Variants in FHIT observed in about 807,000 individuals in gnomAD.
FHIT encodes bis(5'-adenosyl)-triphosphatase.
A neutral mutation model predicts 17.9 loss-of-function variants in FHIT; 19 were observed. That is an observed-to-expected ratio of 1.06 (90% CI 0.74 to 1.56). The LOEUF is 1.56. Ranked by LOEUF, FHIT falls within the 40% of genes most tolerant of loss-of-function variation. The pLI is 0.00. For missense variants in FHIT, 248 were observed against 189.2 expected (o/e 1.31, Z -1.82); for synonymous variants, 81 against 69.7 (o/e 1.16, Z -0.81).
At chr3:60,138,288 T>C (rs1329386123) in intron 5 of FHIT, among the ~76,000 whole-genome samples, 1 of 152,164 alleles carries the variant, frequency 6.6e-6, no homozygotes, top group Non-Finnish European at 1.5e-5. Context: ...ACCAAGGGAA[T>C]GAGTGACTAG....
At chr3:61,206,645 T>C (rs1204076545) in intron 1 of FHIT, among the ~76,000 whole-genome samples, 1 of 152,170 alleles carries the variant, frequency 6.6e-6, no homozygotes, top group Admixed American at 6.5e-5. Flanking sequence ...AAAGGAATGC[T>C]TGTGATTTTT....
chr3:59,787,278 CA>C (rs1210244116), intron 8 of FHIT, among the ~76,000 whole-genome samples: 1 of 152,110 alleles, frequency 6.6e-6, no homozygotes, highest in Non-Finnish European at 1.5e-5. Context: ...ATTTCCATGA[CA>C]AATAATGTTA....
intron 3 of FHIT, among the ~76,000 whole-genome samples, chr3:60,867,117 C>A (rs1053316393): frequency 1.3e-5 from 2 of 152,150 alleles, no homozygotes; most frequent in African/African-American, 2.4e-5. Context: ...TTGTTATGAA[C>A]ACCCACTCCC....
At position 60,894,921 on chromosome 3, in the gene FHIT, T is replaced by A. The variant is rs1352059612; in HGVS notation, c.-110-72910A>T. 2.0e-5 allele frequency among the ~76,000 whole-genome samples: 3 copies of A among 152,168 alleles called. No individual in the cohort carries two copies. The East Asian group carries it at 5.8e-4, about 29-fold the overall frequency. ...CGGTGTAGGTGTGAACATTAAAAGC[T>A]TCTAGGAATTACAGTAGTCTCTCAC... On this transcript the variant is annotated intron_variant, in intron 3 of 9. Transcript: ENST00000492590.
At chr3:60,439,740 C>A (rs1241319644) in intron 5 of FHIT, among the ~76,000 whole-genome samples, 1 of 152,092 alleles carries the variant, frequency 6.6e-6, no homozygotes, top group Non-Finnish European at 1.5e-5. Flanking sequence ...AACTCCCAGG[C>A]TCCTCAAAGA....
intron 1 of FHIT, among the ~76,000 whole-genome samples, chr3:61,214,924 A>G (rs1454992412): frequency 1.3e-5 from 2 of 152,016 alleles, no homozygotes; most frequent in South Asian, 2.1e-4. Flanking sequence ...TTACCTCAAT[A>G]GATGCAGAAA....
intron 2 of FHIT, among the ~76,000 whole-genome samples, chr3:61,069,417 C>T (rs2106732958): frequency 6.6e-6 from 1 of 152,282 alleles, no homozygotes; most frequent in African/African-American, 2.4e-5. Flanking sequence ...ATGTCTTGGG[C>T]ATTGTGCTTT....
chr3:60,629,656 T>C (rs1553681922), intron 4 of FHIT, among the ~76,000 whole-genome samples: 1 of 152,222 alleles, frequency 6.6e-6, no homozygotes, highest in East Asian at 1.9e-4. Context: ...TCTGATAGGT[T>C]CTTGTCCCTT....
At chr3:60,195,459 A>G (rs35596941) in intron 5 of FHIT, among the ~76,000 whole-genome samples, 30,793 of 149,714 alleles carry the variant, frequency 0.21, 3,805 homozygotes, top group East Asian at 0.52. Flanking sequence ...ACCTGCACAC[A>G]TATATTTATT....
At chr3:60,686,912 A>G (rs910336007) in intron 4 of FHIT, among the ~76,000 whole-genome samples, 5 of 152,116 alleles carry the variant, frequency 3.3e-5, no homozygotes, top group Non-Finnish European at 2.9e-5. Context: ...CCCTTCGAGA[A>G]TCTTGCTGCC....
At chr3:60,283,792 G>C (rs1348095887) in intron 5 of FHIT, among the ~76,000 whole-genome samples, 1 of 151,106 alleles carries the variant, frequency 6.6e-6, no homozygotes, top group Non-Finnish European at 1.5e-5. Context: ...TAATGAAAAA[G>C]AGGTTGAGAA....
rs752660622 is a variant in FHIT, at chr3:61,147,300, C to T, written c.-164+53317G>A. Among the ~76,000 whole-genome samples the T allele has an allele frequency of 2.0e-4, 31 of 152,030 alleles. No homozygotes were observed. In the Middle Eastern group the frequency reaches 0.01, roughly 50 times the overall value. ...AGTTATATTACCTAGGGAGCTTAGG[C>T]GAGATAATAACTATATAATACATTA... On this transcript the variant is annotated intron_variant, in intron 2 of 9. Coordinates refer to ENST00000492590, the MANE Select transcript of FHIT (RefSeq NM_002012.4).
chr3:60,748,259 T>C (rs868958800), intron 4 of FHIT, among the ~76,000 whole-genome samples: 1 of 152,184 alleles, frequency 6.6e-6, no homozygotes, highest in African/African-American at 2.4e-5. Flanking sequence ...CTTCTTATGT[T>C]AGGTATTTGG....
At chr3:61,070,611 C>A (rs1283038630) in intron 2 of FHIT, among the ~76,000 whole-genome samples, 1 of 152,230 alleles carries the variant, frequency 6.6e-6, no homozygotes. Flanking sequence ...ACATAAGCTT[C>A]CTGCCTTCTG....
At chr3:59,791,424 C>T (rs1289657351) in intron 8 of FHIT, among the ~76,000 whole-genome samples, 3 of 152,178 alleles carry the variant, frequency 2.0e-5, no homozygotes, top group African/African-American at 7.2e-5. Flanking sequence ...GAGAGGTTGC[C>T]TGAGAGAAGC....
Position 60,925,562 on chromosome 3 carries a change from A to C in FHIT, c.-110-103551T>G, listed in dbSNP as rs182792205. 3.9e-5 allele frequency among the ~76,000 whole-genome samples: 6 copies of C among 152,352 alleles called. No homozygotes were observed. The East Asian group carries it at 9.7e-4, about 25-fold the overall frequency. Reference sequence around the variant, plus strand: ...CCTTACAAGAGCTCCTGAAGGAAGCACTAAACATGGAAAGGAACAACTGGT... The same window carrying C: ...CCTTACAAGAGCTCCTGAAGGAAGCCCTAAACATGGAAAGGAACAACTGGT... On this transcript the variant is annotated intron_variant, in intron 3 of 9. Transcript: ENST00000492590.
intron 3 of FHIT, among the ~76,000 whole-genome samples, chr3:61,037,112 C>T (rs1439834379): frequency 2.0e-5 from 3 of 152,024 alleles, no homozygotes; most frequent in African/African-American, 4.8e-5. Context: ...AGGGTTTCAC[C>T]GTGTTAGCCA....
chr3:61,002,924 A>T (rs1225370894), intron 3 of FHIT, among the ~76,000 whole-genome samples: 2 of 152,042 alleles, frequency 1.3e-5, no homozygotes, highest in African/African-American at 4.8e-5. Context: ...ACTCTATGGC[A>T]GTTCCTGGGT....
intron 8 of FHIT, among the ~76,000 whole-genome samples, chr3:59,823,306 T>G (rs1162570120): frequency 6.6e-6 from 1 of 152,190 alleles, no homozygotes; most frequent in African/African-American, 2.4e-5. Flanking sequence ...ATTTTAGAAT[T>G]GTTTTCTCTA....
Sources: gnomAD v4.1 joint callset for allele counts (sites outside exome capture counted in the v4.1 genomes callset) on GRCh38, gnomAD v4.1.1 for gene constraint, MANE v1.5 for transcripts, NCBI Gene and HGNC (gene_info 2026-07-23, HGNC 2026-07-21) for gene names.